Variants in PRKCG observed in about 807,000 individuals in gnomAD.
PRKCG encodes the protein protein kinase C gamma type.
In PRKCG, 28 loss-of-function variants were observed where a neutral mutation model predicts 82.0. The ratio of observed to expected loss-of-function variants is 0.34; its 90% CI spans 0.25 to 0.47. PRKCG has a LOEUF of 0.47. Among genes scored for constraint, PRKCG ranks in the 20% least tolerant of loss-of-function variants. PRKCG has a pLI of 1.00. For missense variants in PRKCG, 640 were observed against 952.7 expected (o/e 0.67, Z 4.32); for synonymous variants, 383 against 376.6 (o/e 1.02, Z -0.20).
At chr19:53,885,234 A>T (rs868687873) in intron 3 of PRKCG, among the ~76,000 whole-genome samples, 124 of 150,918 alleles carry the variant, frequency 8.2e-4, no homozygotes, top group Admixed American at 3.3e-3. Flanking sequence ...TTTTTTTTTT[A>T]TTTTTATTTT....
In PRKCG at chr19:53,904,781, A is replaced by AT. The variant is rs60536476; in HGVS notation, c.1764+39_1764+40insT. 38,994 of 1,503,418 alleles carry AT rather than the reference A, an allele frequency of 0.026. 3,048 individuals carry two copies. In the African/African-American group the frequency reaches 0.28, roughly 11 times the overall value. The allele number at this position is 1,503,418 out of a possible 1,614,324, so 93.1% of individuals were successfully genotyped here. ...GACTCCCAGCTTCTCCAGGCTCACA[A>AT]CCACACACCCCATTGCTGTCTCTGT... is the stretch of plus-strand genomic sequence containing the variant. On this transcript the variant is annotated intron_variant, in intron 16 of 17. Transcript: ENST00000263431.
upstream of PRKCG, chr19:53,881,968 C>T (rs1164880326): frequency 1.8e-5 from 4 of 221,532 alleles, no homozygotes; most frequent in African/African-American, 9.6e-5. Flanking sequence ...ACACGAGGCA[C>T]CCTAGTGGGG....
In PRKCG at chr19:53,900,381, ACTGACCTT is replaced by A. The variant is rs1433655883; in HGVS notation, c.1374-32_1374-25del. ...TGGTGGAAGGGGGCAGGATCCAGCC[ACTGACCTT>A]CTGACGTCCCCACCCACCCCGTCCT... On this transcript the variant is annotated intron_variant, in intron 12 of 17. Coordinates refer to ENST00000263431, the MANE Select transcript of PRKCG (RefSeq NM_002739.5). The surrounding 1 kb of genome is among the most constrained non-coding windows in gnomAD (Gnocchi z 4.2). 6.2e-7 allele frequency: 1 copy of A among 1,614,072 alleles called. No homozygotes were observed. The highest frequency in any genetic ancestry group is 8.5e-7 in the Non-Finnish European group (1 of 1,179,958).
At chr19:53,906,100 C>T (rs1382142696) in intron 16 of PRKCG, among the ~76,000 whole-genome samples, 3 of 88,270 alleles carry the variant, frequency 3.4e-5, no homozygotes, top group African/African-American at 3.0e-4. Flanking sequence ...TCTTCTTCTT[C>T]TTCTTCTTCT....
intron 9 of PRKCG, among the ~76,000 whole-genome samples, chr19:53,895,817 T>C (rs2068713724): frequency 6.6e-6 from 1 of 151,862 alleles, no homozygotes; most frequent in Admixed American, 6.6e-5. Flanking sequence ...CCCAGCACTT[T>C]GGGAGGCCAA....
Position 53,884,356 on chromosome 19 carries a change from G to A in PRKCG, c.285+113G>A. ...TTATGGCTGGGAGGGGAGGGGGGCT[G>A]GAGAGATAGGGGGAGCTATCTGGCC... On this transcript the variant is annotated intron_variant, in intron 3 of 17. Coordinates refer to ENST00000263431, the MANE Select transcript of PRKCG (RefSeq NM_002739.5). This position sits in a 1 kb window ranked among gnomAD's most constrained non-coding sequence, Gnocchi z 4.6. 1 of 1,026,702 alleles carries A rather than the reference G, an allele frequency of 9.7e-7. No homozygotes were observed. The allele number at this position is 1,026,702 out of a possible 1,614,324, so 63.6% of individuals were successfully genotyped here. A position where few individuals can be genotyped will look rare whatever the true frequency, so the allele number is the denominator to read the frequency against.
At position 53,898,123 on chromosome 19, in the gene PRKCG, G is replaced by A. The variant is rs1226905612; in HGVS notation, c.1092+12G>A. ...GCAGTTTTGGGAAGGTTGGATTCCT[G>A]GGGTTCTGGGGGAAAGGGAGGATGT... is the stretch of plus-strand genomic sequence containing the variant. On this transcript the variant is annotated intron_variant, in intron 10 of 17. Transcript: ENST00000263431. The A allele has an allele frequency of 2.5e-6, 4 of 1,613,628 alleles. No homozygotes were observed. In the African/African-American group the frequency reaches 5.3e-5, roughly 22 times the overall value.
At position 53,900,167 on chromosome 19, in the gene PRKCG, C is replaced by A; in HGVS notation, c.1282-66C>A. On this transcript the variant is annotated intron_variant, in intron 11 of 17. Transcript: ENST00000263431. The surrounding 1 kb of genome is among the most constrained non-coding windows in gnomAD (Gnocchi z 4.2). The stretch of plus-strand genomic sequence containing the variant: ...ACCTTCCACGTCTGTCCTGAGTGAT[C>A]AGGAAAGAAATTCTCCTACTCTGGG... The A allele has an allele frequency of 1.4e-6, 2 of 1,463,636 alleles. No individual in the cohort carries two copies. The highest frequency in any genetic ancestry group is 1.9e-6 in the Non-Finnish European group (2 of 1,043,460). 90.7% of individuals were successfully genotyped at this position (1,463,636 alleles called of 1,614,324 possible).
intron 3 of PRKCG, among the ~76,000 whole-genome samples, chr19:53,888,787 G>A (rs1037822194): frequency 3.3e-5 from 5 of 152,138 alleles, no homozygotes; most frequent in Admixed American, 6.5e-5. Context: ...AGCTGCCAGT[G>A]AAGGAGCTGG....
Position 53,907,240 on chromosome 19 carries a change from C to T in PRKCG, c.*345C>T, listed in dbSNP as rs2145890402. 1 of 395,160 alleles carries T rather than the reference C, an allele frequency of 2.5e-6. No homozygotes were observed. The highest frequency in any genetic ancestry group is 4.7e-6 in the Non-Finnish European group (1 of 211,636). The allele number at this position is 395,160 out of a possible 1,614,324, so 24.5% of individuals were successfully genotyped here. ...ATCTTGGTAGTTCTGTGCCTCCCCCCAGACCCCGCCCCTGGGGAAATAGCC... is the reference window on the plus strand; with the variant it reads ...ATCTTGGTAGTTCTGTGCCTCCCCCTAGACCCCGCCCCTGGGGAAATAGCC... On this transcript the variant is annotated 3_prime_UTR_variant, in exon 18 of 18. Transcript: ENST00000263431.
rs763588729 is a variant in PRKCG at position 53,882,336 on chromosome 19, G to T, written c.-159G>T. ...CGGCGCGCCCGGGGTGCCGCTCCCT[G>T]CCTGGCGCGCTCCGCACCTGGAGGT... is the stretch of plus-strand genomic sequence containing the variant. On this transcript the variant is annotated 5_prime_UTR_variant, in exon 1 of 18. Coordinates refer to ENST00000263431, the MANE Select transcript of PRKCG (RefSeq NM_002739.5). The surrounding 1 kb of genome is among the most constrained non-coding windows in gnomAD (Gnocchi z 6.1). The T allele has an allele frequency of 2.7e-6, 3 of 1,114,846 alleles. No homozygotes were observed. The highest frequency in any genetic ancestry group is 3.8e-6 in the Non-Finnish European group (3 of 779,418). The allele number at this position is 1,114,846 out of a possible 1,614,324, so 69.1% of individuals were successfully genotyped here.
chr19:53,893,137 C>A, intron 8 of PRKCG, 62 bp downstream of exon 8: 1 of 1,510,030 alleles, frequency 6.6e-7, no homozygotes, highest in South Asian at 1.2e-5. Flanking sequence ...CAGAGCTGGC[C>A]TTTCCTTCCA....
intron 9 of PRKCG, among the ~76,000 whole-genome samples, chr19:53,896,669 C>T (rs2068720580): frequency 6.6e-6 from 1 of 152,152 alleles, no homozygotes; most frequent in Non-Finnish European, 1.5e-5. Context: ...ATCTGCCCAC[C>T]TCGGCCTCCC....
intron 9 of PRKCG, among the ~76,000 whole-genome samples, chr19:53,896,376 GATTATTATTATTATTATTATT>G (rs113382850): frequency 4.4e-4 from 62 of 141,940 alleles, no homozygotes; most frequent in South Asian, 2.3e-3. Flanking sequence ...AAACAGCCCT[GATTATTATTATTATTATTATT>G]ATTATTATTA....
chr19:53,881,981 G>A (rs2068593562), upstream of PRKCG: 1 of 224,944 alleles, frequency 4.4e-6, no homozygotes, highest in Non-Finnish European at 9.0e-6. Flanking sequence ...TAGTGGGGGA[G>A]GAACGCGGGG....
chr19:53,887,070 T>G (rs2068636336), intron 3 of PRKCG, among the ~76,000 whole-genome samples: 2 of 151,960 alleles, frequency 1.3e-5, no homozygotes, highest in Non-Finnish European at 2.9e-5. Flanking sequence ...GTTTTTTTGT[T>G]TTTGTTTTTT....
intron 14 of PRKCG, 31 bp from the exon 15 acceptor site, chr19:53,903,042 A>G: frequency 6.3e-7 from 1 of 1,577,156 alleles, no homozygotes; most frequent in Non-Finnish European, 8.7e-7. Flanking sequence ...TAAAGAACGC[A>G]TCATGATTCC....
chr19:53,906,194 T>C (rs1178133081), intron 16 of PRKCG, 123 bp from the exon 17 acceptor site: 60 of 1,315,940 alleles, frequency 4.6e-5, no homozygotes, highest in Non-Finnish European at 5.6e-5. Flanking sequence ...TTCTTATCTC[T>C]CCGGATCTCA....
intron 15 of PRKCG, 83 bp downstream of exon 15, chr19:53,903,236 G>A (rs1027916270): frequency 9.3e-7 from 1 of 1,076,848 alleles, no homozygotes; most frequent in African/African-American, 1.6e-5. Flanking sequence ...AGTTAGAAAG[G>A]AGCCCAGAAG....
Sources: allele counts gnomAD v4.1 joint callset (sites outside exome capture counted in the v4.1 genomes callset), GRCh38; gene constraint gnomAD v4.1.1; non-coding constraint Gnocchi (gnomAD v3.1); transcripts MANE v1.5; gene names NCBI Gene and HGNC (gene_info 2026-07-23, HGNC 2026-07-21).